Variants in DGKE observed in about 807,000 individuals in gnomAD.
DGKE encodes the protein diacylglycerol kinase epsilon, also known as DAG kinase epsilon.
A neutral mutation model predicts 70.0 loss-of-function variants in DGKE; 53 were observed. That is an observed-to-expected ratio of 0.76 (90% CI 0.61 to 0.95). DGKE has a LOEUF of 0.95. DGKE is among the 40% of genes least tolerant of loss of function. The probability of loss-of-function intolerance (pLI) is 0.00; values close to 1 mark genes in which losing one functional copy is unlikely to be tolerated. For synonymous variants in DGKE, 291 were observed against 257.0 expected (o/e 1.13, Z -1.27); for missense variants, 655 against 706.9 (o/e 0.93, Z 0.83).
Position 56,869,117 on chromosome 17 carries a change from A to G in DGKE, c.*6326A>G, listed in dbSNP as rs1045870911. 1 of 152,176 alleles carries G rather than the reference A, an allele frequency of 6.6e-6. No individual in the cohort carries two copies. The highest frequency in any genetic ancestry group is 1.9e-4 in the East Asian group (1 of 5,200). The allele number at this position is 152,176 out of a possible 1,614,324, so 9.4% of individuals were successfully genotyped here. A position where few individuals can be genotyped will look rare whatever the true frequency, so the allele number is the denominator to read the frequency against. On this transcript the variant is annotated 3_prime_UTR_variant, in exon 12 of 12. Transcript: ENST00000284061. ...AATTAATGCCCACCTACGGGTTGCA[A>G]GTGCTTACAGGAGCTGGGCAAGCAA...
rs1356853304 is a variant in DGKE at position 56,849,397 on chromosome 17, T to C, written c.1098+165T>C. Among the ~76,000 whole-genome samples the C allele has an allele frequency of 3.3e-5, 5 of 152,322 alleles. No homozygotes were observed. The East Asian group carries it at 7.7e-4, about 23-fold the overall frequency. On this transcript the variant is annotated intron_variant, in intron 7 of 11. Coordinates refer to ENST00000284061, the MANE Select transcript of DGKE (RefSeq NM_003647.3). ...CACAAGCTGGACTGTAAATGTGTTA[T>C]GGGAGAGAACAGGGTGCAGGTATGC...
chr17:56,853,298 A>G (rs1256155507), intron 7 of DGKE, among the ~76,000 whole-genome samples: 2 of 152,124 alleles, frequency 1.3e-5, no homozygotes, highest in African/African-American at 2.4e-5. Flanking sequence ...GTGTGATGCA[A>G]TCCCTTTTGT....
intron 7 of DGKE, among the ~76,000 whole-genome samples, chr17:56,850,554 G>T (rs2144249804): frequency 1.3e-5 from 2 of 152,308 alleles, no homozygotes; most frequent in South Asian, 4.1e-4. Context: ...TACAGTAGGT[G>T]GGTGATAAAC....
chr17:56,846,243 G>C (rs1365671210), intron 4 of DGKE: 3 of 152,752 alleles, frequency 2.0e-5, no homozygotes, highest in Non-Finnish European at 1.5e-5. Flanking sequence ...TGACAAAAAG[G>C]AACAAACTAC....
chr17:56,848,864 T>G lies in DGKE; in HGVS notation c.1046+11T>G. On this transcript the variant is annotated intron_variant, in intron 6 of 11. Transcript: ENST00000284061. ...AATTAAACTAGATCGGTAAGTTACG[T>G]TTCCCCAAAAAGTAGATTTCTTGAG... is the stretch of plus-strand genomic sequence containing the variant. The G allele has an allele frequency of 6.2e-7, 1 of 1,613,988 alleles. No individual in the cohort carries two copies. Among genetic ancestry groups the G allele is most frequent in the Non-Finnish European group, 8.5e-7 (1 of 1,179,924 alleles).
intron 5 of DGKE, 77 bp from the exon 6 acceptor site, chr17:56,848,619 T>G: frequency 6.8e-7 from 1 of 1,461,080 alleles, no homozygotes; most frequent in Non-Finnish European, 9.4e-7. Context: ...TGTTTTGGTC[T>G]TATTAAATTT....
intron 1 of DGKE, 48 bp from the exon 2 acceptor site, chr17:56,834,730 G>T: frequency 6.7e-7 from 1 of 1,498,406 alleles, no homozygotes; most frequent in Non-Finnish European, 8.9e-7. Flanking sequence ...AGGGGGCGGG[G>T]AAGGGATGGC....
intron 8 of DGKE, among the ~76,000 whole-genome samples, chr17:56,857,129 A>G (rs1179939641): frequency 2.0e-5 from 3 of 152,198 alleles, no homozygotes; most frequent in Admixed American, 6.5e-5. Context: ...TTATCAAAGT[A>G]TTATATAACT....
chr17:56,855,336 C>T (rs988988820), intron 7 of DGKE, among the ~76,000 whole-genome samples: 8 of 151,912 alleles, frequency 5.3e-5, no homozygotes, highest in African/African-American at 1.5e-4. Flanking sequence ...GGAGGAAGAG[C>T]GTCTTTGATT....
intron 7 of DGKE, among the ~76,000 whole-genome samples, chr17:56,851,362 T>C (rs1907639469): frequency 6.6e-6 from 1 of 152,200 alleles, no homozygotes; most frequent in African/African-American, 2.4e-5. Flanking sequence ...AACGCCATAC[T>C]GAAAACAGAT....
At chr17:56,834,751 T>A (rs1598009848) in intron 1 of DGKE, 27 bp from the exon 2 acceptor site, 1 of 1,534,152 alleles carries the variant, frequency 6.5e-7, no homozygotes, top group Non-Finnish European at 8.8e-7. Context: ...GAGCTCGGGG[T>A]GCACCGCCTG....
In DGKE at chr17:56,864,752, A is replaced by ATT. The variant is rs2144309648; in HGVS notation, c.*1962_*1963dup. On this transcript the variant is annotated 3_prime_UTR_variant, in exon 12 of 12. Coordinates refer to ENST00000284061, the MANE Select transcript of DGKE (RefSeq NM_003647.3). The stretch of plus-strand genomic sequence containing the variant: ...ACCTGTTATATAATTCGTAGTGCTA[A>ATT]TTGTAGTAGAAGCAAATCAATTTAG... The ATT allele has an allele frequency of 6.6e-6, 1 of 152,298 alleles. No individual in the cohort carries two copies. The highest frequency in any genetic ancestry group is 2.4e-5 in the African/African-American group (1 of 41,576). The allele number at this position is 152,298 out of a possible 1,614,324, so 9.4% of individuals were successfully genotyped here.
rs1344191248 is a variant in DGKE at position 56,834,783 on chromosome 17, G to A, written c.-13G>A. The A allele has an allele frequency of 6.3e-7, 1 of 1,587,202 alleles. No homozygotes were observed. The highest frequency in any genetic ancestry group is 8.6e-7 in the Non-Finnish European group (1 of 1,167,786). ...CCTGTTTCTTTTCTGGTTAGGTATC[G>A]TCCTTGGAGAAGATGGAAGCGGAGA... is the stretch of plus-strand genomic sequence containing the variant. On this transcript the variant is annotated 5_prime_UTR_variant, in exon 2 of 12. Transcript: ENST00000284061.
intron 6 of DGKE, 86 bp downstream of exon 6, chr17:56,848,939 C>T: frequency 1.9e-6 from 3 of 1,553,972 alleles, no homozygotes; most frequent in Non-Finnish European, 2.6e-6. Flanking sequence ...ATGAAATGTG[C>T]CATGTAATTT....
At position 56,848,082 on chromosome 17, in the gene DGKE, A is replaced by G. The variant is rs1470700371; in HGVS notation, c.888+17A>G. On this transcript the variant is annotated intron_variant, in intron 5 of 11. Coordinates refer to ENST00000284061, the MANE Select transcript of DGKE (RefSeq NM_003647.3). ...AAGATTAAGGTATTAGTCTTTAAGAACTACTACAGAAGGACTTCTAAGATA... is the reference window on the plus strand; with the variant it reads ...AAGATTAAGGTATTAGTCTTTAAGAGCTACTACAGAAGGACTTCTAAGATA... 16 of 1,478,402 alleles carry G rather than the reference A, an allele frequency of 1.1e-5. No homozygotes were observed. The highest frequency in any genetic ancestry group is 1.4e-5 in the Non-Finnish European group (16 of 1,111,554). 91.6% of individuals were successfully genotyped at this position (1,478,402 alleles called of 1,614,324 possible).
chr17:56,842,704 C>A (rs1907060528), intron 2 of DGKE, among the ~76,000 whole-genome samples: 1 of 152,174 alleles, frequency 6.6e-6, no homozygotes, highest in Admixed American at 6.5e-5. Flanking sequence ...AATAGAAGGT[C>A]ACCAGAGGAC....
At chr17:56,854,031 A>T (rs1311173797) in intron 7 of DGKE, among the ~76,000 whole-genome samples, 2 of 145,642 alleles carry the variant, frequency 1.4e-5, no homozygotes, top group Non-Finnish European at 3.0e-5. Context: ...AACATAGCTG[A>T]ACCTAGAGGA....
Position 56,834,857 on chromosome 17 carries a change from A to G in DGKE, c.62A>G (p.His21Arg), listed in dbSNP as rs765244770. The change falls in exon 2 of 12, where the codon CAC becomes CGC. Residue 21 changes from histidine (H) to arginine (R), a missense_variant. Transcript: ENST00000284061. Reference protein sequence around the residue: ...SPSEGLFADGHLILWTLCSVL... With the variant: ...SPSEGLFADGRLILWTLCSVL... ...TCCGAGGGCCTGTTTGCGGACGGGCACCTGATCTTGTGGACGCTGTGCTCG... is the reference window on the plus strand; with the variant it reads ...TCCGAGGGCCTGTTTGCGGACGGGCGCCTGATCTTGTGGACGCTGTGCTCG... The G allele has an allele frequency of 6.2e-7, 1 of 1,612,308 alleles. No individual in the cohort carries two copies. The highest frequency in any genetic ancestry group is 8.5e-7 in the Non-Finnish European group (1 of 1,179,440).
Position 56,841,111 on chromosome 17 carries a change from C to T in DGKE, c.465-2908C>T, listed in dbSNP as rs1018387341. Reference sequence around the variant, plus strand: ...ACTAAAAATACAAAAATTAGCTGGGCGTGGTAGCATGCACCTGTAGTCCCA... The same window carrying T: ...ACTAAAAATACAAAAATTAGCTGGGTGTGGTAGCATGCACCTGTAGTCCCA... On this transcript the variant is annotated intron_variant, in intron 2 of 11. Coordinates refer to ENST00000284061, the MANE Select transcript of DGKE (RefSeq NM_003647.3). 2.0e-5 allele frequency among the ~76,000 whole-genome samples: 3 copies of T among 151,908 alleles called. No individual in the cohort carries two copies. In the East Asian group the frequency reaches 5.8e-4, roughly 29 times the overall value.
Sources: allele counts gnomAD v4.1 joint callset (sites outside exome capture counted in the v4.1 genomes callset), GRCh38; gene constraint gnomAD v4.1.1; transcripts MANE v1.5; gene names NCBI Gene and HGNC (gene_info 2026-07-23, HGNC 2026-07-21).